The following PCDH9 variants were observed in gnomAD, a reference collection of about 807,000 sequenced individuals.
PCDH9 encodes the protein protocadherin 9.
In PCDH9, 24 loss-of-function variants were observed where a neutral mutation model predicts 70.6. The observed-to-expected ratio is 0.34, with a 90% CI of 0.25 to 0.48. The LOEUF is 0.48. PCDH9 is among the 20% of genes least tolerant of loss of function. The pLI is 0.99. For synonymous variants in PCDH9, 562 were observed against 558.5 expected (o/e 1.01, Z -0.09); for missense variants, 1,281 against 1,503.6 (o/e 0.85, Z 2.45).
intron 2 of PCDH9, among the ~76,000 whole-genome samples, chr13:67,192,236 A>T (rs2088936703): frequency 6.6e-6 from 1 of 152,118 alleles, no homozygotes; most frequent in Non-Finnish European, 1.5e-5. Flanking sequence ...CAGTGTTAAG[A>T]TGTGAAAAAA....
chr13:66,768,828 TA>T (rs1457554000), intron 3 of PCDH9, among the ~76,000 whole-genome samples: 1 of 152,042 alleles, frequency 6.6e-6, no homozygotes, highest in African/African-American at 2.4e-5. Context: ...CTCATTTTAT[TA>T]CATCTTAATG....
intron 4 of PCDH9, among the ~76,000 whole-genome samples, chr13:66,590,981 AG>A (rs1442527549): frequency 2.0e-5 from 3 of 151,848 alleles, no homozygotes; most frequent in Non-Finnish European, 4.4e-5. Context: ...TGATTTTAAA[AG>A]AAATATAGAA....
chr13:66,442,734 G>A (rs1443432561), intron 4 of PCDH9, among the ~76,000 whole-genome samples: 1 of 151,878 alleles, frequency 6.6e-6, no homozygotes, highest in Admixed American at 6.6e-5. Flanking sequence ...GGGACAGTAC[G>A]AATTTAGTGA....
chr13:66,581,365 A>G (rs180957127), intron 4 of PCDH9, among the ~76,000 whole-genome samples: 1 of 152,276 alleles, frequency 6.6e-6, no homozygotes, highest in African/African-American at 2.4e-5. Context: ...TTGCTATGTG[A>G]AGGTTTCTTG....
At chr13:66,987,579 C>T (rs927759272) in intron 2 of PCDH9, among the ~76,000 whole-genome samples, 14 of 151,980 alleles carry the variant, frequency 9.2e-5, no homozygotes, top group East Asian at 1.9e-4. Flanking sequence ...CTAGCTGATA[C>T]GCACCTCATT....
chr13:67,103,476 G>A (rs1336687020), intron 2 of PCDH9, among the ~76,000 whole-genome samples: 1 of 152,096 alleles, frequency 6.6e-6, no homozygotes, highest in Non-Finnish European at 1.5e-5. Flanking sequence ...ATCTTAAAAT[G>A]GTGACAAATA....
In PCDH9 at chr13:67,228,143, C is replaced by T; in HGVS notation, c.298G>A (p.Gly100Ser). 6.2e-7 allele frequency: 1 copy of T among 1,614,046 alleles called. No homozygotes were observed. The highest frequency in any genetic ancestry group is 1.3e-5 in the African/African-American group (1 of 75,054). Residue 100 changes from glycine to serine, a missense_variant, in exon 2 of 5, where the codon GGC becomes AGC. Gly to Ser is a moderately conservative substitution (Grantham distance 56). Coordinates refer to ENST00000377865, the MANE Select transcript of PCDH9 (RefSeq NM_203487.3). The part of the protein sequence containing the change: ...NRIDREKLCA[G>S]ASYAEENECF... ...TCATTCTCCTCAGCATATGAGGCGC[C>T]AGCACAGAGTTTTTCTCTGTCTATT...
At chr13:66,733,972 G>A (rs1566156322) in intron 3 of PCDH9, among the ~76,000 whole-genome samples, 1 of 152,116 alleles carries the variant, frequency 6.6e-6, no homozygotes, top group Non-Finnish European at 1.5e-5. Context: ...CTTGGCTTTA[G>A]GGAGATAATT....
intron 3 of PCDH9, among the ~76,000 whole-genome samples, chr13:66,731,781 A>G (rs2079082852): frequency 6.6e-6 from 1 of 152,122 alleles, no homozygotes; most frequent in African/African-American, 2.4e-5. Context: ...TAAATTATAC[A>G]TTCTATTTAT....
At chr13:66,583,604 A>C (rs1173690746) in intron 4 of PCDH9, among the ~76,000 whole-genome samples, 2 of 149,784 alleles carry the variant, frequency 1.3e-5, no homozygotes, top group African/African-American at 4.9e-5. Flanking sequence ...ACAGAGTGAG[A>C]CTCCCTCTCA....
chr13:66,934,776 A>G (rs1466895593), intron 2 of PCDH9, among the ~76,000 whole-genome samples: 60 of 105,098 alleles, frequency 5.7e-4, no homozygotes, highest in African/African-American at 2.1e-3. Flanking sequence ...GCTGGAGTGC[A>G]GTGGCGCGAT....
chr13:66,905,660 T>C (rs970050673), intron 2 of PCDH9, among the ~76,000 whole-genome samples: 2 of 151,982 alleles, frequency 1.3e-5, no homozygotes, highest in African/African-American at 4.8e-5. Flanking sequence ...ACCCATCATA[T>C]TGTTTTTTTC....
chr13:66,843,297 A>G (rs1212706526), intron 3 of PCDH9, among the ~76,000 whole-genome samples: 1 of 152,190 alleles, frequency 6.6e-6, no homozygotes, highest in Non-Finnish European at 1.5e-5. Context: ...ACTAGTTAAA[A>G]CTTTTCTAGA....
chr13:66,317,589 G>A (rs1180871719), intron 4 of PCDH9, among the ~76,000 whole-genome samples: 1 of 152,016 alleles, frequency 6.6e-6, no homozygotes, highest in African/African-American at 2.4e-5. Flanking sequence ...AGATTCACAG[G>A]ATACATAACA....
intron 3 of PCDH9, among the ~76,000 whole-genome samples, chr13:66,781,387 A>G (rs1333832810): frequency 6.6e-6 from 1 of 152,204 alleles, no homozygotes; most frequent in Non-Finnish European, 1.5e-5. Context: ...AGATGGGTTT[A>G]TTTCACAAAT....
chr13:66,846,280 C>A (rs553825014), intron 3 of PCDH9, among the ~76,000 whole-genome samples: 12 of 152,092 alleles, frequency 7.9e-5, no homozygotes, highest in Admixed American at 7.2e-4. Context: ...TTTTCAATAG[C>A]AAAACCAAAT....
At chr13:66,363,988 C>G (rs1157933689) in intron 4 of PCDH9, among the ~76,000 whole-genome samples, 2 of 152,042 alleles carry the variant, frequency 1.3e-5, no homozygotes, top group East Asian at 3.9e-4. Flanking sequence ...AACCCCGTCT[C>G]TACTAAAAAT....
At chr13:67,184,370 G>A (rs1279329532) in intron 2 of PCDH9, among the ~76,000 whole-genome samples, 2 of 152,090 alleles carry the variant, frequency 1.3e-5, no homozygotes, top group Non-Finnish European at 1.5e-5. Flanking sequence ...CCTTTTGACT[G>A]TGTGATAATC....
chr13:66,917,294 C>T (rs770787887), intron 2 of PCDH9, among the ~76,000 whole-genome samples: 23 of 151,494 alleles, frequency 1.5e-4, no homozygotes, highest in Non-Finnish European at 3.0e-4. Flanking sequence ...TTGGTACACA[C>T]TTGCCTTACA....
Sources: allele counts gnomAD v4.1 joint callset (sites outside exome capture counted in the v4.1 genomes callset), GRCh38; gene constraint gnomAD v4.1.1; transcripts MANE v1.5; gene names NCBI Gene and HGNC (gene_info 2026-07-23, HGNC 2026-07-21).